The following DLGAP4 variants were observed in gnomAD, a reference collection of about 807,000 sequenced individuals.
The protein encoded by DLGAP4 is DLG associated protein 4.
Under a neutral mutation model 86.9 loss-of-function variants are expected in DLGAP4, and 18 were observed. The observed-to-expected ratio is 0.21, with a 90% CI of 0.14 to 0.31. DLGAP4 has a LOEUF of 0.31. DLGAP4 is among the 10% of genes least tolerant of loss of function. The probability of loss-of-function intolerance (pLI) is 1.00; values close to 1 mark genes in which losing one functional copy is unlikely to be tolerated. For synonymous variants in DLGAP4, 548 were observed against 574.3 expected (o/e 0.95, Z 0.65); for missense variants, 1,085 against 1,362.6 (o/e 0.80, Z 3.21).
At position 36,526,820 on chromosome 20, in the gene DLGAP4, A is replaced by G; in HGVS notation, c.2768A>G (p.Lys923Arg). The change falls in exon 13 of 13, where the codon AAG becomes AGG. Residue 923 changes from lysine (K) to arginine (R), a missense_variant. Around this residue, in one of 2 missense-constraint regions of DLGAP4, gnomAD observed 1,082 missense variants for 1,344.1 expected, o/e 0.81. Transcript: ENST00000339266. Reference protein sequence around the residue: ...VETPEKRKEEKKPPPPVPKKP... With the variant: ...VETPEKRKEERKPPPPVPKKP... ...CTCACTGTCTCACTAAAGGAAGAGA[A>G]GAAACCACCCCCTCCGGTCCCAAAG... The G allele has an allele frequency of 6.2e-7, 1 of 1,603,162 alleles. No homozygotes were observed. Among genetic ancestry groups the G allele is most frequent in the South Asian group, 1.1e-5 (1 of 90,124 alleles).
At position 36,308,789 on chromosome 20, in the gene DLGAP4, A is replaced by G. The variant is rs1555889702; in HGVS notation, c.-304+2277A>G. Among the ~76,000 whole-genome samples the G allele has an allele frequency of 6.6e-6, 1 of 152,224 alleles. No homozygotes were observed. Among genetic ancestry groups the G allele is most frequent in the Non-Finnish European group, 1.5e-5 (1 of 68,038 alleles). ...CCGTGATGGGTATTCATTCATTCAG[A>G]AAAGCATTAGAAAATCGCATTTGCT... On this transcript the variant is annotated intron_variant, in intron 1 of 12. Transcript: ENST00000339266. The surrounding 1 kb of genome is among the most constrained non-coding windows in gnomAD (Gnocchi z 4.5).
intron 10 of DLGAP4, among the ~76,000 whole-genome samples, chr20:36,515,312 T>G (rs978647111): frequency 1.8e-4 from 27 of 152,252 alleles, no homozygotes; most frequent in Non-Finnish European, 3.4e-4. Context: ...TGTGTTTGCC[T>G]AAGAGTTATA....
At position 36,306,597 on chromosome 20, in the gene DLGAP4, G is replaced by T. The variant is rs368110229; in HGVS notation, c.-304+85G>T. ...GTCCCTCGGCTAGACCCCCCGATCT[G>T]GTCTCCTCCCCGACAGACCTCCCTG... is the stretch of plus-strand genomic sequence containing the variant. On this transcript the variant is annotated intron_variant, in intron 1 of 12. Transcript: ENST00000339266. This position sits in a 1 kb window ranked among gnomAD's most constrained non-coding sequence, Gnocchi z 4.9. The T allele has an allele frequency of 6.6e-6, 1 of 151,836 alleles. No individual in the cohort carries two copies. The highest frequency in any genetic ancestry group is 2.1e-4 in the South Asian group (1 of 4,826). The allele number at this position is 151,836 out of a possible 1,614,324, so 9.4% of individuals were successfully genotyped here.
chr20:36,389,820 T>G (rs963416439), intron 2 of DLGAP4, among the ~76,000 whole-genome samples: 2 of 152,164 alleles, frequency 1.3e-5, no homozygotes, highest in Middle Eastern at 3.2e-3. Flanking sequence ...GGAAAATAAG[T>G]CAATTAATTG....
At chr20:36,460,867 G>A (rs925131751) in intron 7 of DLGAP4, among the ~76,000 whole-genome samples, 2 of 152,228 alleles carry the variant, frequency 1.3e-5, no homozygotes, top group Admixed American at 1.3e-4. Flanking sequence ...GAATGCGGAT[G>A]TTGTTCAAGA....
intron 2 of DLGAP4, among the ~76,000 whole-genome samples, chr20:36,370,551 G>A (rs1039942781): frequency 6.6e-6 from 1 of 151,946 alleles, no homozygotes; most frequent in East Asian, 1.9e-4. Context: ...AGAAGGCCAA[G>A]GCATACTCAG....
intron 2 of DLGAP4, among the ~76,000 whole-genome samples, chr20:36,406,842 AC>A (rs1229939203): frequency 6.6e-6 from 1 of 151,826 alleles, no homozygotes; most frequent in African/African-American, 2.4e-5. Context: ...TTTCTAGCCA[AC>A]CCCCACATTG....
chr20:36,467,027 T>C (rs1239407537), intron 7 of DLGAP4, among the ~76,000 whole-genome samples: 1 of 92,228 alleles, frequency 1.1e-5, no homozygotes, highest in African/African-American at 6.4e-5. Flanking sequence ...CCTCTCTCTC[T>C]CTCTCTCTCT....
intron 1 of DLGAP4, among the ~76,000 whole-genome samples, chr20:36,340,604 C>T (rs2065369663): frequency 6.6e-6 from 1 of 152,218 alleles, no homozygotes; most frequent in Non-Finnish European, 1.5e-5. Flanking sequence ...AGGGAAATGG[C>T]CACATCAGAT....
chr20:36,401,583 GACAA>G (rs2032162153), intron 2 of DLGAP4, among the ~76,000 whole-genome samples: 1 of 152,218 alleles, frequency 6.6e-6, no homozygotes. Flanking sequence ...TCACTCATCT[GACAA>G]ACAGTCCCTC....
chr20:36,526,422 CTGTTGAACCGTGGCCCT>C (rs1390167282), intron 12 of DLGAP4, among the ~76,000 whole-genome samples: 1 of 152,104 alleles, frequency 6.6e-6, no homozygotes, highest in African/African-American at 2.4e-5. Context: ...CCAGTGACCC[CTGTTGAACCGTGGCCCT>C]GTCTAATCCC....
Position 36,431,655 on chromosome 20 carries a change from C to T in DLGAP4, c.-63C>T, listed in dbSNP as rs916157047. 9.0e-5 allele frequency: 136 copies of T among 1,502,906 alleles called. No homozygotes were observed. The South Asian group carries it at 1.0e-3, about 11-fold the overall frequency. 93.1% of individuals were successfully genotyped at this position (1,502,906 alleles called of 1,614,324 possible). ...TGTCTTCTCTCCCTAGGATAGCTGC[C>T]GCCCGGGAGAGGTGACCCGGGCGCC... On this transcript the variant is annotated 5_prime_UTR_variant, in exon 3 of 13. Transcript: ENST00000339266. This position sits in a 1 kb window ranked among gnomAD's most constrained non-coding sequence, Gnocchi z 5.1.
At chr20:36,421,880 G>A (rs955664849) in intron 2 of DLGAP4, among the ~76,000 whole-genome samples, 11 of 152,190 alleles carry the variant, frequency 7.2e-5, no homozygotes, top group Admixed American at 5.9e-4. Flanking sequence ...GGCGGAAGAT[G>A]TAAATTCAGG....
intron 7 of DLGAP4, chr20:36,461,640 C>T: frequency 1.1e-6 from 1 of 916,024 alleles, no homozygotes; most frequent in Non-Finnish European, 1.3e-6. Flanking sequence ...GCCGCGGCCC[C>T]GCGAGGAGAC....
In DLGAP4 at chr20:36,364,396, G is replaced by C. The variant is rs145755605; in HGVS notation, c.-303-2649G>C. ...ACTCCATCTCTAAAGAAAAGAAAAA[G>C]AATTGAGATATAATTCACATACCAT... On this transcript the variant is annotated intron_variant, in intron 1 of 12. Transcript: ENST00000339266. Among the ~76,000 whole-genome samples, 368 of 152,248 alleles carry C rather than the reference G, an allele frequency of 2.4e-3. 2 individuals are homozygous for C. Among genetic ancestry groups the C allele is most frequent in the African/African-American group, 8.6e-3 (358 of 41,544 alleles).
intron 7 of DLGAP4, among the ~76,000 whole-genome samples, chr20:36,493,656 C>T (rs1000462057): frequency 1.2e-4 from 18 of 152,086 alleles, no homozygotes; most frequent in African/African-American, 4.3e-4. Flanking sequence ...CAAACACCGG[C>T]AGCCCAGCCC....
chr20:36,516,274 T>C (rs1182877631), intron 10 of DLGAP4, among the ~76,000 whole-genome samples: 1 of 152,206 alleles, frequency 6.6e-6, no homozygotes, highest in Non-Finnish European at 1.5e-5. Context: ...TATAGAGAGT[T>C]GGCATAATGC....
intron 10 of DLGAP4, among the ~76,000 whole-genome samples, chr20:36,504,382 T>G (rs1346297485): frequency 1.4e-5 from 2 of 147,586 alleles, no homozygotes; most frequent in African/African-American, 5.4e-5. Context: ...AGTATTCCAT[T>G]ATGTGTACAA....
intron 2 of DLGAP4, among the ~76,000 whole-genome samples, chr20:36,394,983 C>T (rs1569483973): frequency 6.6e-6 from 1 of 152,092 alleles, no homozygotes; most frequent in Non-Finnish European, 1.5e-5. Flanking sequence ...CCAGGACCCT[C>T]CCTAGAGCTG....
Sources: gnomAD v4.1 joint callset for allele counts (sites outside exome capture counted in the v4.1 genomes callset) on GRCh38, gnomAD v4.1.1 for gene constraint, gnomAD v4.1.1 regional missense constraint, Gnocchi (gnomAD v3.1) non-coding constraint, MANE v1.5 for transcripts, NCBI Gene and HGNC (gene_info 2026-07-23, HGNC 2026-07-21) for gene names.